RCAN1: variants seen among roughly 807,000 people sequenced by gnomAD.
RCAN1 encodes the protein regulator of calcineurin 1.
In RCAN1, 11 loss-of-function variants were observed where a neutral mutation model predicts 22.9. That is an observed-to-expected ratio of 0.48 (90% CI 0.30 to 0.79). The LOEUF (loss-of-function observed/expected upper bound fraction) is 0.79, where lower values mean the gene tolerates loss of function less well. Among genes scored for constraint, RCAN1 ranks in the 30% least tolerant of loss-of-function variants. The probability of loss-of-function intolerance (pLI) is 0.06; values close to 1 mark genes in which losing one functional copy is unlikely to be tolerated. For synonymous variants in RCAN1, 136 were observed against 142.3 expected (o/e 0.96, Z 0.32); for missense variants, 291 against 337.8 (o/e 0.86, Z 1.09).
At position 34,584,762 on chromosome 21, in the gene RCAN1, G is replaced by A. The variant is rs567628150; in HGVS notation, c.252+29998C>T. ...AGAAGCGTGTACCTGCTTGCCTGGTGACAAAGTCTTTTTGAAAATCAACCT... is the reference window on the plus strand; with the variant it reads ...AGAAGCGTGTACCTGCTTGCCTGGTAACAAAGTCTTTTTGAAAATCAACCT... On this transcript the variant is annotated intron_variant, in intron 1 of 3. Coordinates refer to ENST00000313806, the MANE Select transcript of RCAN1 (RefSeq NM_004414.7). 6.3e-4 allele frequency among the ~76,000 whole-genome samples: 96 copies of A among 152,292 alleles called. 1 individual carries two copies. Among genetic ancestry groups the A allele is most frequent in the Middle Eastern group, 3.4e-3 (1 of 294 alleles).
At chr21:34,567,625 C>T (rs1307236142) in intron 1 of RCAN1, among the ~76,000 whole-genome samples, 2 of 151,704 alleles carry the variant, frequency 1.3e-5, no homozygotes, top group African/African-American at 2.4e-5. Context: ...AAGAGGCATA[C>T]TTCTGTTAGA....
chr21:34,525,422 C>CCT, intron 1 of RCAN1: 1 of 1,415,898 alleles, frequency 7.1e-7, no homozygotes, highest in Non-Finnish European at 9.3e-7. Context: ...CATCTGGCCG[C>CCT]CTCTCACTCT....
chr21:34,582,794 G>C (rs990083308), intron 1 of RCAN1, among the ~76,000 whole-genome samples: 5 of 152,182 alleles, frequency 3.3e-5, no homozygotes, highest in Non-Finnish European at 7.3e-5. Flanking sequence ...GAATGGGGAG[G>C]CTTCCGCGAT....
intron 1 of RCAN1, among the ~76,000 whole-genome samples, chr21:34,601,284 C>T (rs1988331143): frequency 6.6e-6 from 1 of 152,142 alleles, no homozygotes; most frequent in African/African-American, 2.4e-5. Context: ...ATTGTAAGCC[C>T]TCTATTTGTA....
chr21:34,601,629 T>C (rs928806632), intron 1 of RCAN1, among the ~76,000 whole-genome samples: 8 of 152,022 alleles, frequency 5.3e-5, no homozygotes, highest in Admixed American at 3.3e-4. Context: ...TCATCTTGGC[T>C]AACACGGTGA....
At chr21:34,587,457 C>T (rs1987837797) in intron 1 of RCAN1, among the ~76,000 whole-genome samples, 1 of 151,976 alleles carries the variant, frequency 6.6e-6, no homozygotes, top group African/African-American at 2.4e-5. Context: ...AACCTTGATC[C>T]TGAAACCTGA....
intron 1 of RCAN1, among the ~76,000 whole-genome samples, chr21:34,569,022 T>C (rs1987138054): frequency 6.6e-6 from 1 of 152,198 alleles, no homozygotes; most frequent in South Asian, 2.1e-4. Flanking sequence ...TGAGACTTAT[T>C]CACTACCATG....
chr21:34,557,429 A>G (rs1158603589), intron 1 of RCAN1, among the ~76,000 whole-genome samples: 5 of 152,228 alleles, frequency 3.3e-5, no homozygotes, highest in Middle Eastern at 3.4e-3. Flanking sequence ...TGTTCCATCT[A>G]TGGAAGGCTG....
intron 1 of RCAN1, among the ~76,000 whole-genome samples, chr21:34,610,385 C>T (rs1601227713): frequency 6.6e-6 from 1 of 152,108 alleles, no homozygotes; most frequent in South Asian, 2.1e-4. Context: ...AAGGTTAAAC[C>T]AAATGCCCCA....
rs1601233019 is a variant in RCAN1 at position 34,615,089 on chromosome 21, G to C, written c.-78C>G. On this transcript the variant is annotated 5_prime_UTR_variant, in exon 1 of 4. Transcript: ENST00000313806. ...GCCGGAGCCTCACGCGCTCCGGTCC[G>C]CGCCCGGCCGGCGGCTCCGCCGTTA... 6 of 998,438 alleles carry C rather than the reference G, an allele frequency of 6.0e-6. No individual in the cohort carries two copies. In the Admixed American group the frequency reaches 3.6e-4, roughly 59 times the overall value. The allele number at this position is 998,438 out of a possible 1,614,324, so 61.8% of individuals were successfully genotyped here. A position where few individuals can be genotyped will look rare whatever the true frequency, so the allele number is the denominator to read the frequency against.
chr21:34,545,224 C>G (rs988458160), intron 1 of RCAN1, among the ~76,000 whole-genome samples: 1 of 152,206 alleles, frequency 6.6e-6, no homozygotes. Context: ...GCTTCTTGCT[C>G]TCAGAGGGAG....
chr21:34,614,441 A>T lies in RCAN1; in HGVS notation c.252+319T>A. 1 of 1,009,296 alleles carries T rather than the reference A, an allele frequency of 9.9e-7. No homozygotes were observed. Among genetic ancestry groups the T allele is most frequent in the Non-Finnish European group, 1.2e-6 (1 of 845,956 alleles). The allele number at this position is 1,009,296 out of a possible 1,614,324, so 62.5% of individuals were successfully genotyped here. On this transcript the variant is annotated intron_variant, in intron 1 of 3. Coordinates refer to ENST00000313806, the MANE Select transcript of RCAN1 (RefSeq NM_004414.7). This position sits in a 1 kb window ranked among gnomAD's most constrained non-coding sequence, Gnocchi z 6.0. ...AAATGCGGGGCGATGGCGAGAGCGCAGGGGGCGGCGGCGCTGCCCCACCTT... is the reference window on the plus strand; with the variant it reads ...AAATGCGGGGCGATGGCGAGAGCGCTGGGGGCGGCGGCGCTGCCCCACCTT...
intron 1 of RCAN1, among the ~76,000 whole-genome samples, chr21:34,537,328 C>T (rs1985716124): frequency 6.6e-6 from 1 of 152,258 alleles, no homozygotes; most frequent in African/African-American, 2.4e-5. Flanking sequence ...CCCTTTCCAT[C>T]AGGCCTAGAA....
chr21:34,536,205 C>T (rs967568618), intron 1 of RCAN1, among the ~76,000 whole-genome samples: 1 of 152,188 alleles, frequency 6.6e-6, no homozygotes. Context: ...ACTTGGAGAC[C>T]AGCAGATGAG....
At chr21:34,592,787 T>C (rs9305551) in intron 1 of RCAN1, among the ~76,000 whole-genome samples, 26,160 of 152,236 alleles carry the variant, frequency 0.17, 2,729 homozygotes, top group South Asian at 0.25. Context: ...CAGATTTTCC[T>C]ATATGATGTC....
intron 1 of RCAN1, chr21:34,525,326 A>G: frequency 6.5e-7 from 1 of 1,526,790 alleles, no homozygotes; most frequent in Non-Finnish European, 8.8e-7. Flanking sequence ...GCTTTTCTTC[A>G]GTTTAGGGAC....
chr21:34,601,863 G>A (rs906085418), intron 1 of RCAN1, among the ~76,000 whole-genome samples: 12 of 151,078 alleles, frequency 7.9e-5, no homozygotes, highest in African/African-American at 2.7e-4. Context: ...CCACATTCAG[G>A]ATTCAGAGAT....
chr21:34,601,594 G>A (rs370234472), intron 1 of RCAN1, among the ~76,000 whole-genome samples: 36 of 152,188 alleles, frequency 2.4e-4, no homozygotes, highest in East Asian at 3.9e-4. Flanking sequence ...CAAGGTGGGC[G>A]GATCACGAGG....
At chr21:34,540,788 A>C (rs62213519) in intron 1 of RCAN1, among the ~76,000 whole-genome samples, 36,323 of 151,896 alleles carry the variant, frequency 0.24, 5,034 homozygotes, top group African/African-American at 0.38. Flanking sequence ...AGTTCGAGAC[A>C]AGCCTGACCA....
Sources: gnomAD v4.1 joint callset for allele counts (sites outside exome capture counted in the v4.1 genomes callset) on GRCh38, gnomAD v4.1.1 for gene constraint, Gnocchi (gnomAD v3.1) non-coding constraint, MANE v1.5 for transcripts, NCBI Gene and HGNC (gene_info 2026-07-23, HGNC 2026-07-21) for gene names.